ITGBL1: variants seen among roughly 807,000 people sequenced by gnomAD.
ITGBL1 encodes integrin subunit beta like 1.
In ITGBL1, 51 loss-of-function variants were observed where a neutral mutation model predicts 68.5. The ratio of observed to expected loss-of-function variants is 0.74; its 90% CI spans 0.59 to 0.94. The LOEUF (loss-of-function observed/expected upper bound fraction) is 0.94. Among genes scored for constraint, ITGBL1 ranks in the 40% least tolerant of loss-of-function variants. The probability of loss-of-function intolerance (pLI) is 0.00; values close to 1 mark genes in which losing one functional copy is unlikely to be tolerated. For missense variants in ITGBL1, 649 were observed against 647.4 expected, an observed-to-expected ratio of 1.00 and a Z score of -0.03; for synonymous variants, 209 against 227.3, an observed-to-expected ratio of 0.92 and a Z score of 0.72.
intron 2 of ITGBL1, among the ~76,000 whole-genome samples, chr13:101,554,596 A>G (rs972365): frequency 0.32 from 49,201 of 152,096 alleles, 8,088 homozygotes; most frequent in South Asian, 0.37. Context: ...TTGGTGGCCT[A>G]TGTCAGGCAT....
intron 9 of ITGBL1, among the ~76,000 whole-genome samples, chr13:101,709,841 C>T (rs2034382485): frequency 6.6e-6 from 1 of 152,216 alleles, no homozygotes; most frequent in South Asian, 2.1e-4. Flanking sequence ...AAGCCATACC[C>T]TCCAGGGTAA....
At chr13:101,569,359 A>G (rs549095795) in intron 3 of ITGBL1, among the ~76,000 whole-genome samples, 1 of 152,320 alleles carries the variant, frequency 6.6e-6, no homozygotes, top group East Asian at 1.9e-4. Flanking sequence ...GTAATTCACC[A>G]CATTAACATA....
At chr13:101,531,544 A>C (rs543169257) in intron 2 of ITGBL1, among the ~76,000 whole-genome samples, 1 of 147,310 alleles carries the variant, frequency 6.8e-6, no homozygotes, top group Non-Finnish European at 1.5e-5. Flanking sequence ...AGACATTTGC[A>C]CTCGAAAACA....
chr13:101,576,575 T>C (rs1443817296), intron 4 of ITGBL1, among the ~76,000 whole-genome samples: 1 of 152,172 alleles, frequency 6.6e-6, no homozygotes, highest in East Asian at 1.9e-4. Context: ...TTAGAAGTAT[T>C]GTTTTTCTGG....
At chr13:101,705,468 T>G (rs1489233734) in intron 8 of ITGBL1, among the ~76,000 whole-genome samples, 1 of 152,048 alleles carries the variant, frequency 6.6e-6, no homozygotes, top group Non-Finnish European at 1.5e-5. Flanking sequence ...TACTGCATTT[T>G]TCACTGTATT....
At chr13:101,599,869 G>C (rs1195304793) in intron 7 of ITGBL1, among the ~76,000 whole-genome samples, 1 of 152,090 alleles carries the variant, frequency 6.6e-6, no homozygotes, top group Non-Finnish European at 1.5e-5. Flanking sequence ...GTCAGGTTGC[G>C]TGATGCCTCC....
At chr13:101,582,058 T>C (rs1379523052) in intron 5 of ITGBL1, among the ~76,000 whole-genome samples, 1 of 152,248 alleles carries the variant, frequency 6.6e-6, no homozygotes, top group Admixed American at 6.5e-5. Flanking sequence ...TTTTCATCTT[T>C]ATCTGTCATT....
chr13:101,547,725 G>A (rs925995511), intron 2 of ITGBL1, among the ~76,000 whole-genome samples: 2 of 151,598 alleles, frequency 1.3e-5, no homozygotes, highest in Non-Finnish European at 3.0e-5. Flanking sequence ...TTTTAATACG[G>A]AGAAAGGATA....
intron 7 of ITGBL1, among the ~76,000 whole-genome samples, chr13:101,627,871 T>C (rs2031839760): frequency 6.6e-6 from 1 of 152,224 alleles, no homozygotes. Context: ...TCTTGGTTGC[T>C]TCCAAGTTTC....
chr13:101,602,186 A>G (rs553370843), intron 7 of ITGBL1, among the ~76,000 whole-genome samples: 102 of 152,232 alleles, frequency 6.7e-4, no homozygotes, highest in African/African-American at 2.3e-3. Context: ...GTCCACTGAC[A>G]TTTATGAAAC....
chr13:101,460,669 T>G (rs1374282735), intron 2 of ITGBL1, among the ~76,000 whole-genome samples: 2 of 152,210 alleles, frequency 1.3e-5, no homozygotes, highest in African/African-American at 4.8e-5. Flanking sequence ...GAGGTTTATT[T>G]GGCTTACAGT....
chr13:101,613,740 A>G (rs1432965513), intron 7 of ITGBL1, among the ~76,000 whole-genome samples: 2 of 152,124 alleles, frequency 1.3e-5, no homozygotes, highest in Non-Finnish European at 2.9e-5. Context: ...TTGCAGAAGT[A>G]TTTTTAAAAT....
intron 2 of ITGBL1, among the ~76,000 whole-genome samples, chr13:101,537,422 C>G (rs944802599): frequency 2.0e-5 from 3 of 152,032 alleles, no homozygotes; most frequent in Middle Eastern, 6.8e-3. Context: ...TATAACATTT[C>G]AAAGGAAGGC....
At chr13:101,504,401 T>A (rs2048994448) in intron 2 of ITGBL1, among the ~76,000 whole-genome samples, 1 of 152,176 alleles carries the variant, frequency 6.6e-6, no homozygotes, top group East Asian at 1.9e-4. Flanking sequence ...ATTCTCAGAA[T>A]TGCTTGGAAG....
intron 2 of ITGBL1, among the ~76,000 whole-genome samples, chr13:101,485,790 T>TCAAAA (rs1361201077): frequency 6.6e-6 from 1 of 151,646 alleles, no homozygotes; most frequent in East Asian, 1.9e-4. Context: ...AGACTCTGTC[T>TCAAAA]CAGAACAAAA....
intron 7 of ITGBL1, among the ~76,000 whole-genome samples, chr13:101,662,329 T>C (rs2033109432): frequency 6.6e-6 from 1 of 152,178 alleles, no homozygotes; most frequent in Non-Finnish European, 1.5e-5. Flanking sequence ...ATATGAGCTC[T>C]TTTGATTTTA....
In ITGBL1 at chr13:101,575,412, T is replaced by C. The variant is rs2050340779; in HGVS notation, c.464-12T>C. 2 of 1,608,486 alleles carry C rather than the reference T, an allele frequency of 1.2e-6. No individual in the cohort carries two copies. Among genetic ancestry groups the C allele is most frequent in the East Asian group, 4.5e-5 (2 of 44,784 alleles). ...CATGTAACAAACAGTCTTTTTTGTT[T>C]TCATGGTTTAGGTACATGTCACTGT... is the stretch of plus-strand genomic sequence containing the variant. On this transcript the variant is annotated splice_polypyrimidine_tract_variant and intron_variant, in intron 3 of 10. Transcript: ENST00000376180.
At chr13:101,494,377 G>A (rs958304833) in intron 2 of ITGBL1, among the ~76,000 whole-genome samples, 1 of 152,112 alleles carries the variant, frequency 6.6e-6, no homozygotes, top group Admixed American at 6.5e-5. Context: ...TCTTTAAAAA[G>A]TTGTGAAAAT....
At position 101,454,049 on chromosome 13, in the gene ITGBL1, T is replaced by G. The variant is rs1277791244; in HGVS notation, c.265T>G (p.Cys89Gly). 1 of 1,593,740 alleles carries G rather than the reference T, an allele frequency of 6.3e-7. No individual in the cohort carries two copies. Among genetic ancestry groups the G allele is most frequent in the Admixed American group, 1.7e-5 (1 of 57,318 alleles). ...GCCGGGCATGTTCTTCGGGCCCCTG[T>G]GTGAGTGCCATGAGTGGGTGTGCGA... ...TEPGMFFGPL[C>G]ECHEWVCETY... The change falls in exon 2 of 11, where the codon TGT becomes GGT. Residue 89 changes from cysteine to glycine, a missense_variant. Coordinates refer to ENST00000376180, the MANE Select transcript of ITGBL1 (RefSeq NM_004791.3).
Sources: gnomAD v4.1 joint callset for allele counts (sites outside exome capture counted in the v4.1 genomes callset) on GRCh38, gnomAD v4.1.1 for gene constraint, MANE v1.5 for transcripts, NCBI Gene and HGNC (gene_info 2026-07-23, HGNC 2026-07-21) for gene names.